The following NOS1AP variants were observed in gnomAD, a reference collection of about 807,000 sequenced individuals.
The protein encoded by NOS1AP is carboxyl-terminal PDZ ligand of neuronal nitric oxide synthase protein.
In NOS1AP, 21 loss-of-function variants were observed where a neutral mutation model predicts 56.2. The observed-to-expected ratio is 0.37, with a 90% confidence interval of 0.26 to 0.54. NOS1AP has a LOEUF of 0.54. NOS1AP is among the 20% of genes least tolerant of loss of function. The pLI is 0.84. For synonymous variants in NOS1AP, 270 were observed against 274.6 expected, an observed-to-expected ratio of 0.98 and a Z score of 0.17; for missense variants, 522 against 657.8, an observed-to-expected ratio of 0.79 and a Z score of 2.26.
chr1:162,345,245 C>T lies in NOS1AP; in HGVS notation c.595+1269C>T, dbSNP rs950146851. Among the ~76,000 whole-genome samples the T allele has an allele frequency of 3.8e-4, 57 of 151,158 alleles. 1 individual carries two copies. The highest frequency in any genetic ancestry group is 1.2e-3 in the African/African-American group (50 of 41,202). On this transcript the variant is annotated intron_variant, in intron 6 of 9. Transcript: ENST00000361897. ...TATGTATACATGTGCCGTGCTGGTG[C>T]GCTGCACCCACTAACTCATCATCTA...
chr1:162,293,748 G>A (rs1655348057), intron 3 of NOS1AP, among the ~76,000 whole-genome samples: 1 of 152,176 alleles, frequency 6.6e-6, no homozygotes, highest in Non-Finnish European at 1.5e-5. Flanking sequence ...TCATCATTTG[G>A]AGTTACAGAC....
chr1:162,313,509 C>T (rs1406689143), intron 4 of NOS1AP, among the ~76,000 whole-genome samples: 2 of 152,080 alleles, frequency 1.3e-5, no homozygotes, highest in Non-Finnish European at 2.9e-5. Flanking sequence ...TGCAGTCTTC[C>T]CATGATGGCT....
At chr1:162,265,219 GTTTTCT>G (rs1184408605) in intron 2 of NOS1AP, among the ~76,000 whole-genome samples, 1 of 131,902 alleles carries the variant, frequency 7.6e-6, no homozygotes, top group African/African-American at 3.3e-5. Flanking sequence ...TTAAAGGGTC[GTTTTCT>G]TTTTTTTTTT....
At chr1:162,115,803 C>A (rs530613502) in intron 1 of NOS1AP, among the ~76,000 whole-genome samples, 3 of 152,050 alleles carry the variant, frequency 2.0e-5, no homozygotes, top group African/African-American at 7.2e-5. Context: ...AGTTTTATCC[C>A]GGGTGAGGTC....
intron 2 of NOS1AP, among the ~76,000 whole-genome samples, chr1:162,216,151 A>C (rs1449044088): frequency 6.6e-6 from 1 of 152,122 alleles, no homozygotes; most frequent in Non-Finnish European, 1.5e-5. Flanking sequence ...GTTGATTTGC[A>C]TTCCTTTGCC....
intron 1 of NOS1AP, among the ~76,000 whole-genome samples, chr1:162,132,273 A>G (rs953884344): frequency 1.3e-5 from 2 of 152,200 alleles, no homozygotes; most frequent in African/African-American, 4.8e-5. Context: ...TGGGAAGGTG[A>G]CGCACATTGG....
intron 1 of NOS1AP, among the ~76,000 whole-genome samples, chr1:162,119,643 C>G (rs1277093971): frequency 2.0e-5 from 3 of 152,122 alleles, no homozygotes; most frequent in Non-Finnish European, 4.4e-5. Flanking sequence ...TTGCATGGCT[C>G]TTTATTCTTC....
In NOS1AP at chr1:162,258,073, C is replaced by A. The variant is rs73019425; in HGVS notation, c.178-29271C>A. On this transcript the variant is annotated intron_variant, in intron 2 of 9. Coordinates refer to ENST00000361897, the MANE Select transcript of NOS1AP (RefSeq NM_014697.3). ...TGCTCATTTCCTCCAAATGTACAGG[C>A]CTGTTTGCTTTTCCCTGACACTGCA... is the stretch of plus-strand genomic sequence containing the variant. Among the ~76,000 whole-genome samples the A allele has an allele frequency of 3.4e-3, 510 of 152,150 alleles. 1 individual carries two copies. Among genetic ancestry groups the A allele is most frequent in the African/African-American group, 0.012 (480 of 41,498 alleles).
At chr1:162,178,182 C>T (rs1023257571) in intron 2 of NOS1AP, among the ~76,000 whole-genome samples, 1 of 152,088 alleles carries the variant, frequency 6.6e-6, no homozygotes, top group Non-Finnish European at 1.5e-5. Flanking sequence ...CTCGATAGCT[C>T]ATTTTTTTTA....
At chr1:162,338,029 C>G (rs891491905) in intron 5 of NOS1AP, among the ~76,000 whole-genome samples, 3 of 152,120 alleles carry the variant, frequency 2.0e-5, no homozygotes, top group Non-Finnish European at 4.4e-5. Context: ...AGATTCCCCC[C>G]AACCCAAAAA....
At chr1:162,304,314 T>C (rs189918860) in intron 4 of NOS1AP, among the ~76,000 whole-genome samples, 8 of 152,354 alleles carry the variant, frequency 5.3e-5, no homozygotes, top group African/African-American at 1.9e-4. Flanking sequence ...ACATCAGTTA[T>C]CCGTCTCTGT....
At chr1:162,081,774 A>ATATATATATATATTTTTTTTTTT in intron 1 of NOS1AP, among the ~76,000 whole-genome samples, 16 of 44,048 alleles carry the variant, frequency 3.6e-4, no homozygotes, top group East Asian at 2.3e-3. Context: ...ATATATATAT[A>ATATATATATATATTTTTTTTTTT]TTTTTTTTTT....
chr1:162,236,539 C>A (rs923093117), intron 2 of NOS1AP, among the ~76,000 whole-genome samples: 1 of 152,182 alleles, frequency 6.6e-6, no homozygotes. Context: ...TAAAGCACAC[C>A]CTTTGCCCAT....
At chr1:162,263,277 A>AG (rs11453313) in intron 2 of NOS1AP, among the ~76,000 whole-genome samples, 149,130 of 152,218 alleles carry the variant, frequency 0.98, 73,121 homozygotes, top group Middle Eastern at 1. Context: ...GAAGCTGGAA[A>AG]TTTAAGATCA....
At chr1:162,154,839 A>G (rs992276685) in intron 2 of NOS1AP, among the ~76,000 whole-genome samples, 1 of 152,142 alleles carries the variant, frequency 6.6e-6, no homozygotes, top group Non-Finnish European at 1.5e-5. Flanking sequence ...TGACTCAAAA[A>G]GATGGGGTTT....
intron 1 of NOS1AP, among the ~76,000 whole-genome samples, chr1:162,119,884 G>C (rs1220285845): frequency 6.6e-6 from 1 of 152,124 alleles, no homozygotes; most frequent in African/African-American, 2.4e-5. Flanking sequence ...GGGATCCTTG[G>C]CTTGTTGTAA....
chr1:162,130,000 G>A (rs1004431345), intron 1 of NOS1AP, among the ~76,000 whole-genome samples: 2 of 152,086 alleles, frequency 1.3e-5, no homozygotes, highest in South Asian at 2.1e-4. Context: ...GTTGAGTGTC[G>A]AATATAAACC....
At position 162,205,420 on chromosome 1, in the gene NOS1AP, C is replaced by G. The variant is rs113865620; in HGVS notation, c.177+50944C>G. Reference sequence around the variant, plus strand: ...CAAAGCATTAAACATGAGCTTGGCTCTCTTTCCCCAGTTGCCATACCACTT... The same window carrying G: ...CAAAGCATTAAACATGAGCTTGGCTGTCTTTCCCCAGTTGCCATACCACTT... On this transcript the variant is annotated intron_variant, in intron 2 of 9. Transcript: ENST00000361897. Among the ~76,000 whole-genome samples the G allele has an allele frequency of 5.3e-4, 81 of 152,320 alleles. 1 individual carries two copies. The highest frequency in any genetic ancestry group is 1.9e-3 in the African/African-American group (78 of 41,582).
At chr1:162,237,925 G>A (rs1468421441) in intron 2 of NOS1AP, among the ~76,000 whole-genome samples, 1 of 152,152 alleles carries the variant, frequency 6.6e-6, no homozygotes, top group Non-Finnish European at 1.5e-5. Flanking sequence ...TGCCTCTGAG[G>A]GTGAAATGAG....
Sources: gnomAD v4.1 joint callset for allele counts (sites outside exome capture counted in the v4.1 genomes callset) on GRCh38, gnomAD v4.1.1 for gene constraint, MANE v1.5 for transcripts, NCBI Gene and HGNC (gene_info 2026-07-23, HGNC 2026-07-21) for gene names.